UNC13A: variants seen among roughly 807,000 people sequenced by gnomAD.
UNC13A encodes the protein protein unc-13 homolog A.
In UNC13A, 61 loss-of-function variants were observed where a neutral mutation model predicts 219.7. The ratio of observed to expected loss-of-function variants is 0.28; its 90% confidence interval spans 0.23 to 0.34. UNC13A has a LOEUF of 0.34. UNC13A is among the 10% of genes least tolerant of loss of function. UNC13A has a pLI of 1.00. For missense variants in UNC13A, 1,476 were observed against 2,270.3 expected (o/e 0.65, Z 7.11); for synonymous variants, 920 against 884.6 (o/e 1.04, Z -0.71).
intron 43 of UNC13A, among the ~76,000 whole-genome samples, chr19:17,607,821 T>G (rs1284875158): frequency 6.6e-6 from 1 of 150,526 alleles, no homozygotes; most frequent in Non-Finnish European, 1.5e-5. Flanking sequence ...CTACCCCGGA[T>G]GACCCCAACT....
chr19:17,630,384 C>A, intron 29 of UNC13A, 96 bp from the exon 30 acceptor site: 2 of 1,505,134 alleles, frequency 1.3e-6, no homozygotes, highest in Non-Finnish European at 1.8e-6. Flanking sequence ...AGCCAGAGAC[C>A]AATTTCCCCG....
intron 26 of UNC13A, among the ~76,000 whole-genome samples, chr19:17,633,867 A>T (rs1048625544): frequency 6.7e-6 from 1 of 148,568 alleles, no homozygotes; most frequent in Admixed American, 6.7e-5. Flanking sequence ...CCACCTACCC[A>T]TCTATCTATT....
intron 17 of UNC13A, among the ~76,000 whole-genome samples, 158 bp from the exon 18 acceptor site, chr19:17,646,269 G>GTGTTTGTGTGTTTGTTTGTTTGTT (rs35723230): frequency 2.7e-5 from 4 of 150,742 alleles, no homozygotes; most frequent in Non-Finnish European, 5.9e-5. Context: ...GGTTTTTTGT[G>GTGTTTGTGTGTTTGTTTGTTTGTT]TGTTTGTTTG....
Position 17,631,976 on chromosome 19 carries a change from T to C in UNC13A, c.3428+806A>G, listed in dbSNP as rs145862213. Among the ~76,000 whole-genome samples, 1,493 of 152,262 alleles carry C rather than the reference T, an allele frequency of 9.8e-3. 30 individuals carry two copies. Among genetic ancestry groups the C allele is most frequent in the African/African-American group, 0.034 (1,409 of 41,552 alleles). Reference sequence around the variant, plus strand: ...CCCCAGCTGGAATCCAGTGGTGCAATCTCGGCTCACTGCAACCTCCGCCTC... The same window carrying C: ...CCCCAGCTGGAATCCAGTGGTGCAACCTCGGCTCACTGCAACCTCCGCCTC... On this transcript the variant is annotated intron_variant, in intron 28 of 43. Coordinates refer to ENST00000519716, the MANE Select transcript of UNC13A (RefSeq NM_001080421.3).
At chr19:17,669,923 TTC>T (rs1199366414) in intron 4 of UNC13A, among the ~76,000 whole-genome samples, 1 of 146,200 alleles carries the variant, frequency 6.8e-6, no homozygotes, top group Non-Finnish European at 1.5e-5. Flanking sequence ...CTTCCTTCCT[TTC>T]TCTCTCTTTT....
chr19:17,638,821 C>T (rs2076937854), intron 25 of UNC13A, among the ~76,000 whole-genome samples: 1 of 151,622 alleles, frequency 6.6e-6, no homozygotes, highest in Non-Finnish European at 1.5e-5. Context: ...AAGAGTGAAA[C>T]TTTATCTCAA....
chr19:17,624,236 C>T (rs559317412), intron 35 of UNC13A, among the ~76,000 whole-genome samples: 128 of 149,922 alleles, frequency 8.5e-4, no homozygotes, highest in Non-Finnish European at 1.1e-3. Flanking sequence ...AAACAGTTTT[C>T]GTGCCTCAGT....
chr19:17,628,634 T>G (rs1443704002), intron 31 of UNC13A, among the ~76,000 whole-genome samples: 2 of 152,116 alleles, frequency 1.3e-5, no homozygotes, highest in Admixed American at 1.3e-4. Context: ...CTAGATGTGT[T>G]GTATAGTTGA....
At chr19:17,670,213 T>C (rs1382478947) in intron 4 of UNC13A, among the ~76,000 whole-genome samples, 2 of 151,608 alleles carry the variant, frequency 1.3e-5, no homozygotes, top group Non-Finnish European at 2.9e-5. Context: ...CCCAAAGTGC[T>C]GGGATTACAG....
chr19:17,688,077 T>C, intron 1 of UNC13A, 101 bp downstream of exon 1: 2 of 1,419,764 alleles, frequency 1.4e-6, no homozygotes, highest in Non-Finnish European at 1.9e-6. Flanking sequence ...CCACCTGGAC[T>C]CGGGTCACCC....
At chr19:17,687,900 AC>A (rs2080144993) in intron 1 of UNC13A, among the ~76,000 whole-genome samples, 1 of 151,834 alleles carries the variant, frequency 6.6e-6, no homozygotes, top group African/African-American at 2.4e-5. Flanking sequence ...TCCGGGTAGA[AC>A]CCCGGATACC....
chr19:17,625,632 T>C (rs1473798846), intron 34 of UNC13A, among the ~76,000 whole-genome samples: 1 of 152,136 alleles, frequency 6.6e-6, no homozygotes, highest in East Asian at 1.9e-4. Flanking sequence ...CATTCATCCA[T>C]CTGTCCATCC....
chr19:17,635,388 A>G (rs925176804), intron 26 of UNC13A, among the ~76,000 whole-genome samples: 2 of 152,198 alleles, frequency 1.3e-5, no homozygotes, highest in Non-Finnish European at 2.9e-5. Flanking sequence ...GGATATGTTA[A>G]CGCCCCAAAG....
intron 1 of UNC13A, among the ~76,000 whole-genome samples, chr19:17,687,660 C>T (rs1004049178): frequency 4.6e-5 from 7 of 152,072 alleles, no homozygotes; most frequent in African/African-American, 1.7e-4. Flanking sequence ...GCCCTGATGG[C>T]CAAGCCCCTC....
intron 7 of UNC13A, among the ~76,000 whole-genome samples, chr19:17,664,181 G>A (rs935838614): frequency 2.0e-5 from 3 of 152,088 alleles, no homozygotes; most frequent in Non-Finnish European, 4.4e-5. Flanking sequence ...TGACTATGAT[G>A]TCTAGGGTTA....
chr19:17,682,201 G>A (rs1458230943), intron 1 of UNC13A, among the ~76,000 whole-genome samples: 1 of 152,132 alleles, frequency 6.6e-6, no homozygotes, highest in African/African-American at 2.4e-5. Context: ...AGATCTGCCC[G>A]CCTAGGCCTC....
intron 42 of UNC13A, among the ~76,000 whole-genome samples, chr19:17,610,843 C>A (rs1275735024): frequency 1.3e-5 from 2 of 152,090 alleles, no homozygotes; most frequent in African/African-American, 4.8e-5. Flanking sequence ...AGCCTGGATA[C>A]CATAGTGAGA....
In UNC13A at chr19:17,688,200, G is replaced by A. The variant is rs374056573; in HGVS notation, c.-1C>T. ...TACCTCCAACGCAAAGCAGAGACAT[G>A]TCTCCGAGCTCGCAGGTGGGCCGGA... On this transcript the variant is annotated 5_prime_UTR_variant, in exon 1 of 44. Coordinates refer to ENST00000519716, the MANE Select transcript of UNC13A (RefSeq NM_001080421.3). The A allele has an allele frequency of 1.1e-3, 1,656 of 1,509,978 alleles. 1 individual carries two copies. Among genetic ancestry groups the A allele is most frequent in the Non-Finnish European group, 1.4e-3 (1,550 of 1,129,962 alleles). The allele number at this position is 1,509,978 out of a possible 1,614,324, so 93.5% of individuals were successfully genotyped here.
chr19:17,657,746 G>A (rs901808773), intron 9 of UNC13A, among the ~76,000 whole-genome samples: 5 of 151,958 alleles, frequency 3.3e-5, no homozygotes, highest in Non-Finnish European at 5.9e-5. Context: ...GCCTGTGCCT[G>A]TAGTCCCAGC....
Sources: allele counts gnomAD v4.1 joint callset (sites outside exome capture counted in the v4.1 genomes callset), GRCh38; gene constraint gnomAD v4.1.1; transcripts MANE v1.5; gene names NCBI Gene and HGNC (gene_info 2026-07-23, HGNC 2026-07-21).